The following GNG7 variants were observed in gnomAD, a reference collection of about 807,000 sequenced individuals.
The protein encoded by GNG7 is guanine nucleotide-binding protein G(I)/G(S)/G(O) subunit gamma-7.
GNG7 carries 1 observed loss-of-function variant against 4.0 expected under a neutral mutation model. The observed-to-expected ratio is 0.25, with a 90% CI of 0.09 to 1.18. GNG7 has a LOEUF of 1.18. Among genes scored for constraint, GNG7 ranks in the 50% most tolerant of loss-of-function variants. GNG7 has a pLI of 0.50. For missense variants in GNG7, 86 were observed against 91.9 expected (o/e 0.94, Z 0.26); for synonymous variants, 34 against 36.9 (o/e 0.92, Z 0.29).
chr19:2,591,940 A>AACTGGC (rs1980861365), intron 2 of GNG7, among the ~76,000 whole-genome samples: 1 of 152,218 alleles, frequency 6.6e-6, no homozygotes, highest in African/African-American at 2.4e-5. Flanking sequence ...GATAACCATT[A>AACTGGC]TGGCAAGGCT....
chr19:2,580,965 A>C (rs182044920), intron 2 of GNG7, among the ~76,000 whole-genome samples: 103 of 151,832 alleles, frequency 6.8e-4, no homozygotes, highest in African/African-American at 2.4e-3. Context: ...GGGTTTCACC[A>C]TGTTGGCCAG....
At chr19:2,661,300 AAGAG>A (rs377379984) in intron 1 of GNG7, among the ~76,000 whole-genome samples, 1 of 38,034 alleles carries the variant, frequency 2.6e-5, no homozygotes, top group Non-Finnish European at 5.1e-5. Context: ...GAAAGAAAGA[AAGAG>A]AAAGAAAGAA....
At chr19:2,568,737 CAT>C in intron 2 of GNG7, among the ~76,000 whole-genome samples, 1 of 74,396 alleles carries the variant, frequency 1.3e-5, no homozygotes, top group Non-Finnish European at 4.2e-5. Flanking sequence ...GACACATATA[CAT>C]ACATACACAC....
At chr19:2,602,871 TTCTC>T (rs966250397) in intron 2 of GNG7, among the ~76,000 whole-genome samples, 5 of 152,024 alleles carry the variant, frequency 3.3e-5, no homozygotes, top group Admixed American at 6.6e-5. Flanking sequence ...ACCCACCCTT[TTCTC>T]TCTTTCTCTT....
intron 2 of GNG7, among the ~76,000 whole-genome samples, chr19:2,622,535 G>A (rs989913757): frequency 1.2e-4 from 18 of 152,214 alleles, no homozygotes; most frequent in African/African-American, 4.3e-4. Flanking sequence ...CGAGCAACGC[G>A]GCAGAGAGGG....
chr19:2,654,860 T>A (rs1214435435), intron 1 of GNG7, among the ~76,000 whole-genome samples: 1 of 152,080 alleles, frequency 6.6e-6, no homozygotes, highest in Non-Finnish European at 1.5e-5. Context: ...CTAAGCAGCA[T>A]CCCTGGCCTC....
intron 2 of GNG7, among the ~76,000 whole-genome samples, chr19:2,584,277 C>T (rs538019473): frequency 1.3e-4 from 14 of 108,024 alleles, no homozygotes; most frequent in Non-Finnish European, 2.0e-4. Context: ...ACCCTATCTC[C>T]GCAAAGAATT....
Position 2,546,739 on chromosome 19 carries a change from C to T in GNG7, c.-38+8410G>A, listed in dbSNP as rs114015075. Among the ~76,000 whole-genome samples, 240 of 152,212 alleles carry T rather than the reference C, an allele frequency of 1.6e-3. No homozygotes were observed. Among genetic ancestry groups the T allele is most frequent in the African/African-American group, 5.5e-3 (227 of 41,546 alleles). On this transcript the variant is annotated intron_variant, in intron 3 of 4. Coordinates refer to ENST00000382159, the MANE Select transcript of GNG7 (RefSeq NM_052847.3). This position sits in a 1 kb window ranked among gnomAD's most constrained non-coding sequence, Gnocchi z 6.3. ...GACGCGCCGCCAGTGTGGGTTTGGT[C>T]GCCGCGGTGACGGGAGCAGGAGAAA...
chr19:2,537,339 G>A (rs556340851), intron 3 of GNG7, among the ~76,000 whole-genome samples: 5 of 152,128 alleles, frequency 3.3e-5, no homozygotes, highest in Admixed American at 2.6e-4. Context: ...TCCAACTCCC[G>A]GGCTCAAGCG....
At chr19:2,558,862 G>A (rs1008490802) in intron 2 of GNG7, among the ~76,000 whole-genome samples, 4 of 150,440 alleles carry the variant, frequency 2.7e-5, no homozygotes, top group East Asian at 2.0e-4. Flanking sequence ...GCAATGGCGC[G>A]ATCTCTGCTC....
chr19:2,601,135 C>A (rs1006433222), intron 2 of GNG7, among the ~76,000 whole-genome samples: 1 of 151,898 alleles, frequency 6.6e-6, no homozygotes, highest in African/African-American at 2.4e-5. Context: ...ACCTCCCCCC[C>A]GCCACCATCT....
At chr19:2,529,614 G>C (rs80194799) in intron 3 of GNG7, among the ~76,000 whole-genome samples, 1 of 152,328 alleles carries the variant, frequency 6.6e-6, no homozygotes, top group African/African-American at 2.4e-5. Context: ...TGTAAGCTCC[G>C]TGATGAGTTC....
rs147467881 is a variant in GNG7, at chr19:2,690,275, G to A, written c.-135+12371C>T. Among the ~76,000 whole-genome samples, 1,346 of 152,078 alleles carry A rather than the reference G, an allele frequency of 8.9e-3. 17 individuals are homozygous for A. Among genetic ancestry groups the A allele is most frequent in the African/African-American group, 0.031 (1,283 of 41,460 alleles). ...CAGGCGCTTGTAATCCCAGCTACCC[G>A]GGAGGCTGAGGCAGGAGAATGGCCT... On this transcript the variant is annotated intron_variant, in intron 1 of 4. Transcript: ENST00000382159.
chr19:2,534,336 C>T (rs1419752848), intron 3 of GNG7, among the ~76,000 whole-genome samples: 1 of 152,228 alleles, frequency 6.6e-6, no homozygotes, highest in African/African-American at 2.4e-5. Flanking sequence ...CATCTCCTAA[C>T]AGCTAGAGTG....
Position 2,512,035 on chromosome 19 carries a change from A to G in GNG7, c.*2987T>C, listed in dbSNP as rs755049480. The G allele has an allele frequency of 3.0e-6, 3 of 985,830 alleles. No homozygotes were observed. The highest frequency in any genetic ancestry group is 3.6e-6 in the Non-Finnish European group (3 of 829,944). 61.1% of individuals were successfully genotyped at this position (985,830 alleles called of 1,614,324 possible). Reference sequence around the variant, plus strand: ...GGAAGGCCCGTGGGAGACCCAGGCTACAGAAGGAGAAACGGCCTTCTCTCT... The same window carrying G: ...GGAAGGCCCGTGGGAGACCCAGGCTGCAGAAGGAGAAACGGCCTTCTCTCT... On this transcript the variant is annotated 3_prime_UTR_variant, in exon 5 of 5. Transcript: ENST00000382159. This position sits in a 1 kb window ranked among gnomAD's most constrained non-coding sequence, Gnocchi z 4.7.
At chr19:2,660,593 CA>C (rs138134589) in intron 1 of GNG7, among the ~76,000 whole-genome samples, 11,346 of 151,990 alleles carry the variant, frequency 0.075, 777 homozygotes, top group African/African-American at 0.18. Flanking sequence ...CATAGTGAGA[CA>C]CCCCCACCAC....
intron 1 of GNG7, among the ~76,000 whole-genome samples, chr19:2,651,660 G>T (rs1982835033): frequency 6.7e-6 from 1 of 148,298 alleles, no homozygotes; most frequent in African/African-American, 2.5e-5. Context: ...CCACCTCTCA[G>T]GTTTAAGAGA....
intron 2 of GNG7, among the ~76,000 whole-genome samples, chr19:2,592,929 G>GGGAAGGAA (rs533301759): frequency 2.7e-5 from 4 of 146,198 alleles, no homozygotes; most frequent in Non-Finnish European, 6.0e-5. Context: ...AGGAGAGGGA[G>GGGAAGGAA]GGAAGGAAGG....
At chr19:2,577,258 G>C (rs1423070214) in intron 2 of GNG7, among the ~76,000 whole-genome samples, 1 of 152,186 alleles carries the variant, frequency 6.6e-6, no homozygotes, top group Non-Finnish European at 1.5e-5. Context: ...TACCCCCAGG[G>C]CTGCAGTCTG....
Sources: allele counts gnomAD v4.1 joint callset (sites outside exome capture counted in the v4.1 genomes callset), GRCh38; gene constraint gnomAD v4.1.1; non-coding constraint Gnocchi (gnomAD v3.1); transcripts MANE v1.5; gene names NCBI Gene and HGNC (gene_info 2026-07-23, HGNC 2026-07-21).